Variants in GTF2F2 observed in about 807,000 individuals in gnomAD.
The protein encoded by GTF2F2 is ATP-dependent helicase GTF2F2.
Under a neutral mutation model 42.2 loss-of-function variants are expected in GTF2F2, and 23 were observed. The ratio of observed to expected loss-of-function variants is 0.55; its 90% CI spans 0.39 to 0.77. The LOEUF is 0.77. Among genes scored for constraint, GTF2F2 ranks in the 30% least tolerant of loss-of-function variants. The probability of loss-of-function intolerance (pLI) is 0.00; values close to 1 mark genes in which losing one functional copy is unlikely to be tolerated. For missense variants in GTF2F2, 261 were observed against 287.2 expected (o/e 0.91, Z 0.66); for synonymous variants, 105 against 100.8 (o/e 1.04, Z -0.25).
chr13:45,212,451 C>CTTTTCT lies in GTF2F2; in HGVS notation c.386+4949_386+4950insTCTTTT, dbSNP rs1593494264. ...TTCTTTCTTTCTTTCTTTCTTGTTTCTTTCTTTCTTTCTTTCTTTCTTTCT... is the reference window on the plus strand; with the variant it reads ...TTCTTTCTTTCTTTCTTTCTTGTTTCTTTTCTTTTCTTTCTTTCTTTCTTTCTTTCT... On this transcript the variant is annotated intron_variant, in intron 5 of 7. Transcript: ENST00000340473. Among the ~76,000 whole-genome samples, 202 of 71,682 alleles carry CTTTTCT rather than the reference C, an allele frequency of 2.8e-3. 1 individual carries two copies. The highest frequency in any genetic ancestry group is 4.4e-3 in the Non-Finnish European group (155 of 35,074). 47.0% of individuals were successfully genotyped at this position (71,682 alleles called of 152,430 possible). A position where few individuals can be genotyped will look rare whatever the true frequency, so the allele number is the denominator to read the frequency against.
intron 7 of GTF2F2, among the ~76,000 whole-genome samples, chr13:45,276,005 A>T (rs1005493561): frequency 6.6e-5 from 10 of 152,174 alleles, no homozygotes; most frequent in African/African-American, 2.4e-4. Flanking sequence ...GTATACTTTA[A>T]ATCTTTAGAT....
chr13:45,125,453 G>A lies in GTF2F2; in HGVS notation c.66+4732G>A, dbSNP rs145243501. On this transcript the variant is annotated intron_variant, in intron 1 of 7. Coordinates refer to ENST00000340473, the MANE Select transcript of GTF2F2 (RefSeq NM_004128.3). The stretch of plus-strand genomic sequence containing the variant: ...TCCTGCCTCAGCCTCCCGAGTAGCT[G>A]GGGCTACAGGCGCGGGCCACCACAC... Among the ~76,000 whole-genome samples the A allele has an allele frequency of 9.0e-3, 1,377 of 152,206 alleles. 29 individuals are homozygous for A. The highest frequency in any genetic ancestry group is 0.032 in the African/African-American group (1,316 of 41,506).
intron 5 of GTF2F2, among the ~76,000 whole-genome samples, chr13:45,222,208 G>A (rs1485252774): frequency 6.6e-6 from 1 of 152,124 alleles, no homozygotes; most frequent in African/African-American, 2.4e-5. Flanking sequence ...TGCTCAGTAA[G>A]TATTCATTGC....
chr13:45,267,810 ATTT>A (rs201281124), intron 7 of GTF2F2, among the ~76,000 whole-genome samples: 5 of 121,760 alleles, frequency 4.1e-5, no homozygotes, highest in Admixed American at 8.3e-5. Flanking sequence ...TTTTCTGTGG[ATTT>A]TTTTTTTTTT....
Position 45,120,684 on chromosome 13 carries a change from C to T in GTF2F2, c.29C>T (p.Thr10Ile). Residue 10 changes from threonine to isoleucine, a missense_variant, in exon 1 of 8, where the codon ACC becomes ATC. Thr to Ile is a moderately conservative substitution (Grantham distance 89, BLOSUM62 -1). Coordinates refer to ENST00000340473, the MANE Select transcript of GTF2F2 (RefSeq NM_004128.3). ...GCCGAGCGCGGGGAACTCGACTTGA[C>T]CGGCGCCAAACAGAACACAGGAGTG... MAERGELDL[T>I]GAKQNTGVWL... The T allele has an allele frequency of 1.3e-6, 2 of 1,561,720 alleles. No individual in the cohort carries two copies. The highest frequency in any genetic ancestry group is 1.2e-5 in the South Asian group (1 of 84,796).
At chr13:45,142,120 T>C (rs1006780606) in intron 2 of GTF2F2, among the ~76,000 whole-genome samples, 2 of 152,216 alleles carry the variant, frequency 1.3e-5, no homozygotes, top group Admixed American at 6.5e-5. Context: ...GAGTTGAAAT[T>C]ATTTTATTCA....
rs764623115 is a variant in GTF2F2 at position 45,136,719 on chromosome 13, T to C, written c.67-14T>C. 2 of 1,444,112 alleles carry C rather than the reference T, an allele frequency of 1.4e-6. No homozygotes were observed. Among genetic ancestry groups the C allele is most frequent in the African/African-American group, 1.4e-5 (1 of 70,862 alleles). 89.5% of individuals were successfully genotyped at this position (1,444,112 alleles called of 1,614,324 possible). A position where few individuals can be genotyped will look rare whatever the true frequency, so the allele number is the denominator to read the frequency against. ...CATCTAAAATAGACTTATTAGTGTTTTACTTTGTTTTAGGTTCCTAAATAT... is the reference window on the plus strand; with the variant it reads ...CATCTAAAATAGACTTATTAGTGTTCTACTTTGTTTTAGGTTCCTAAATAT... On this transcript the variant is annotated splice_polypyrimidine_tract_variant and intron_variant, in intron 1 of 7. Coordinates refer to ENST00000340473, the MANE Select transcript of GTF2F2 (RefSeq NM_004128.3).
chr13:45,158,327 C>G (rs560620722), intron 4 of GTF2F2, among the ~76,000 whole-genome samples: 1 of 152,166 alleles, frequency 6.6e-6, no homozygotes. Context: ...GTAAGACATG[C>G]CTTTTGCCTT....
chr13:45,187,586 T>C (rs1872478442), intron 4 of GTF2F2, among the ~76,000 whole-genome samples: 1 of 152,232 alleles, frequency 6.6e-6, no homozygotes. Flanking sequence ...TCCAGCCTAT[T>C]TTCCTTTACC....
chr13:45,243,764 G>A (rs1875445850), intron 5 of GTF2F2, among the ~76,000 whole-genome samples: 1 of 152,138 alleles, frequency 6.6e-6, no homozygotes. Flanking sequence ...GGGTTCAAAC[G>A]ATTCTTCTGC....
rs575189181 is a variant in GTF2F2, at chr13:45,209,636, G to C, written c.386+2131G>C. On this transcript the variant is annotated intron_variant, in intron 5 of 7. Coordinates refer to ENST00000340473, the MANE Select transcript of GTF2F2 (RefSeq NM_004128.3). The stretch of plus-strand genomic sequence containing the variant: ...ACCTGTGTGTGGTTCTGTAAGCCTG[G>C]AATGGAGGAATTGTTTGAGAGGATG... Among the ~76,000 whole-genome samples the C allele has an allele frequency of 1.1e-4, 16 of 152,268 alleles. No individual in the cohort carries two copies. In the East Asian group the frequency reaches 3.1e-3, roughly 29 times the overall value.
At chr13:45,265,855 A>C (rs944355193) in intron 6 of GTF2F2, among the ~76,000 whole-genome samples, 1 of 152,198 alleles carries the variant, frequency 6.6e-6, no homozygotes, top group Non-Finnish European at 1.5e-5. Context: ...GATTATAATT[A>C]TTCCAGCTGA....
chr13:45,155,052 C>T (rs978620746), intron 4 of GTF2F2, among the ~76,000 whole-genome samples: 1 of 152,180 alleles, frequency 6.6e-6, no homozygotes, highest in African/African-American at 2.4e-5. Context: ...AGCAGGGGCT[C>T]TGTGACTGCT....
intron 2 of GTF2F2, among the ~76,000 whole-genome samples, chr13:45,137,063 G>A (rs1318391850): frequency 6.6e-6 from 1 of 152,140 alleles, no homozygotes; most frequent in Non-Finnish European, 1.5e-5. Flanking sequence ...CCTTAATGGC[G>A]GTGAAGCAGC....
intron 5 of GTF2F2, among the ~76,000 whole-genome samples, chr13:45,229,825 GC>G (rs1874579684): frequency 6.6e-6 from 1 of 152,086 alleles, no homozygotes; most frequent in South Asian, 2.1e-4. Flanking sequence ...CCTCTCCCCT[GC>G]CCCCATACTT....
chr13:45,210,591 G>GT (rs1873592903), intron 5 of GTF2F2, among the ~76,000 whole-genome samples: 2 of 152,156 alleles, frequency 1.3e-5, no homozygotes, highest in South Asian at 4.2e-4. Flanking sequence ...AACAAAGTTT[G>GT]TTTTTTTCTT....
At chr13:45,278,465 G>C (rs1440666346) in intron 7 of GTF2F2, among the ~76,000 whole-genome samples, 1 of 152,184 alleles carries the variant, frequency 6.6e-6, no homozygotes, top group African/African-American at 2.4e-5. Context: ...AGTTTATTCA[G>C]ATCTTGTGCT....
intron 5 of GTF2F2, among the ~76,000 whole-genome samples, chr13:45,212,463 C>CTTTTCTTTTCTTTTCTTTTCTTTTCT (rs376424917): frequency 0.015 from 403 of 27,490 alleles, 11 homozygotes; most frequent in Non-Finnish European, 0.018. Context: ...TTCTTTCTTT[C>CTTTTCTTTTCTTTTCTTTTCTTTTCT]TTTCTTTCTT....
At chr13:45,243,483 G>A (rs1174993249) in intron 5 of GTF2F2, among the ~76,000 whole-genome samples, 2 of 152,156 alleles carry the variant, frequency 1.3e-5, no homozygotes, top group East Asian at 1.9e-4. Flanking sequence ...CACCCTCCAC[G>A]CTGTTGGTGG....
Sources: gnomAD v4.1 joint callset for allele counts (sites outside exome capture counted in the v4.1 genomes callset) on GRCh38, gnomAD v4.1.1 for gene constraint, MANE v1.5 for transcripts, NCBI Gene and HGNC (gene_info 2026-07-23, HGNC 2026-07-21) for gene names.